The following PPP4R3A variants were observed in gnomAD, a reference collection of about 807,000 sequenced individuals.
The protein encoded by PPP4R3A is serine/threonine-protein phosphatase 4 regulatory subunit 3A.
PPP4R3A carries 15 observed loss-of-function variants against 91.7 expected under a neutral mutation model. The observed-to-expected ratio is 0.16, with a 90% CI of 0.11 to 0.25. The LOEUF (loss-of-function observed/expected upper bound fraction) is 0.25, where lower values mean the gene tolerates loss of function less well. PPP4R3A is among the 10% of genes least tolerant of loss of function. PPP4R3A has a pLI of 1.00. For missense variants in PPP4R3A, 623 were observed against 998.4 expected (o/e 0.62, Z 5.07); for synonymous variants, 377 against 348.7 (o/e 1.08, Z -0.91).
chr14:91,501,742 T>C (rs1890973613), intron 1 of PPP4R3A, among the ~76,000 whole-genome samples: 1 of 150,912 alleles, frequency 6.6e-6, no homozygotes, highest in African/African-American at 2.4e-5. Context: ...TCTCGCTCTG[T>C]CACCCAGGCT....
intron 4 of PPP4R3A, 152 bp downstream of exon 4, chr14:91,481,424 G>T: frequency 2.5e-6 from 2 of 806,928 alleles, no homozygotes; most frequent in South Asian, 2.4e-5. Context: ...TTCTGGTCTC[G>T]TATTATTATT....
At chr14:91,486,365 A>T (rs985743461) in intron 2 of PPP4R3A, among the ~76,000 whole-genome samples, 2 of 151,540 alleles carry the variant, frequency 1.3e-5, no homozygotes, top group African/African-American at 4.9e-5. Flanking sequence ...GTAGAGATGG[A>T]GGTCTTGTCA....
intron 10 of PPP4R3A, among the ~76,000 whole-genome samples, chr14:91,466,675 C>T (rs762162903): frequency 1.2e-4 from 18 of 152,042 alleles, no homozygotes; most frequent in African/African-American, 1.9e-4. Context: ...ACATTTTAAA[C>T]ACTAAGAGGC....
intron 10 of PPP4R3A, among the ~76,000 whole-genome samples, chr14:91,469,625 A>G (rs1254796130): frequency 2.6e-5 from 4 of 152,150 alleles, no homozygotes; most frequent in African/African-American, 9.6e-5. Flanking sequence ...CTGGAGTGCA[A>G]TGGTGCAATT....
upstream of PPP4R3A, chr14:91,510,455 C>G (rs1891737873): frequency 6.6e-6 from 1 of 152,634 alleles, no homozygotes; most frequent in Admixed American, 6.5e-5. Context: ...GGCGGGAGCG[C>G]AGGGAGCGGA....
chr14:91,491,468 C>A (rs1890229183), intron 1 of PPP4R3A, among the ~76,000 whole-genome samples: 1 of 151,864 alleles, frequency 6.6e-6, no homozygotes, highest in Admixed American at 6.6e-5. Flanking sequence ...AGTGCAGTGG[C>A]GCGATCTCGG....
intron 3 of PPP4R3A, among the ~76,000 whole-genome samples, chr14:91,483,647 A>G (rs1314385738): frequency 2.6e-5 from 4 of 152,186 alleles, no homozygotes; most frequent in Admixed American, 2.0e-4. Context: ...AGAAATAGAA[A>G]AACATTTAAT....
chr14:91,494,952 G>A (rs1334762481), intron 1 of PPP4R3A, among the ~76,000 whole-genome samples: 1 of 152,168 alleles, frequency 6.6e-6, no homozygotes, highest in Non-Finnish European at 1.5e-5. Context: ...AACAAGCGGT[G>A]ACAAGGCTGT....
chr14:91,487,612 C>A (rs1889975545), intron 2 of PPP4R3A, among the ~76,000 whole-genome samples: 1 of 152,190 alleles, frequency 6.6e-6, no homozygotes, highest in African/African-American at 2.4e-5. Context: ...GATAATGGTT[C>A]CTGTATTGAG....
chr14:91,509,400 C>A, intron 1 of PPP4R3A, 106 bp downstream of exon 1: 1 of 1,481,278 alleles, frequency 6.8e-7, no homozygotes, highest in South Asian at 1.2e-5. Context: ...CCCTCCCCAG[C>A]CGTCCCTCTG....
Position 91,473,379 on chromosome 14 carries a change from A to G in PPP4R3A, c.1267-9T>C, listed in dbSNP as rs754356721. Reference sequence around the variant, plus strand: ...TTGATGAGCAAAATATCCTGGAGAGAAAAATAGACATACTCAGGATCACTT... The same window carrying G: ...TTGATGAGCAAAATATCCTGGAGAGGAAAATAGACATACTCAGGATCACTT... On this transcript the variant is annotated splice_polypyrimidine_tract_variant and intron_variant, in intron 7 of 14. Coordinates refer to ENST00000554943, the MANE Select transcript of PPP4R3A (RefSeq NM_001366432.2). 3 of 1,604,500 alleles carry G rather than the reference A, an allele frequency of 1.9e-6. No individual in the cohort carries two copies. Among genetic ancestry groups the G allele is most frequent in the Non-Finnish European group, 2.5e-6 (3 of 1,177,128 alleles).
intron 1 of PPP4R3A, among the ~76,000 whole-genome samples, chr14:91,498,133 G>C (rs1406904152): frequency 6.6e-6 from 1 of 152,134 alleles, no homozygotes; most frequent in Non-Finnish European, 1.5e-5. Flanking sequence ...TCAGGAATTC[G>C]AGATCAGCCT....
At chr14:91,461,242 G>GT in intron 14 of PPP4R3A, 139 bp downstream of exon 14, 1 of 736,812 alleles carries the variant, frequency 1.4e-6, no homozygotes, top group Non-Finnish European at 2.2e-6. Flanking sequence ...AGTTCAAGCG[G>GT]TGGGGGGGAC....
intron 1 of PPP4R3A, among the ~76,000 whole-genome samples, chr14:91,506,936 A>G (rs1891328487): frequency 6.6e-6 from 1 of 152,206 alleles, no homozygotes; most frequent in South Asian, 2.1e-4. Flanking sequence ...CCTGCTAGAT[A>G]AAAATTAAAG....
intron 4 of PPP4R3A, among the ~76,000 whole-genome samples, chr14:91,480,879 A>G (rs957290686): frequency 6.6e-6 from 1 of 152,072 alleles, no homozygotes; most frequent in Non-Finnish European, 1.5e-5. Flanking sequence ...TTACAAAAAA[A>G]TTTTTAAAAG....
chr14:91,487,617 ATTG>A (rs1204753841), intron 2 of PPP4R3A, among the ~76,000 whole-genome samples: 1 of 152,246 alleles, frequency 6.6e-6, no homozygotes, highest in Non-Finnish European at 1.5e-5. Context: ...TGGTTCCTGT[ATTG>A]AGAAGGAAAG....
chr14:91,504,999 C>T (rs1326240241), intron 1 of PPP4R3A, among the ~76,000 whole-genome samples: 2 of 152,190 alleles, frequency 1.3e-5, no homozygotes, highest in Non-Finnish European at 2.9e-5. Flanking sequence ...TATACCCATG[C>T]TAACACTATA....
At chr14:91,501,871 ATTTTTTTTT>A (rs755484959) in intron 1 of PPP4R3A, among the ~76,000 whole-genome samples, 11 of 100,232 alleles carry the variant, frequency 1.1e-4, no homozygotes, top group Admixed American at 6.2e-4. Flanking sequence ...AGCCCGGCTA[ATTTTTTTTT>A]TTTTTTTTTT....
intron 1 of PPP4R3A, 147 bp downstream of exon 1, chr14:91,509,359 A>G (rs1237266460): frequency 1.2e-5 from 14 of 1,123,756 alleles, no homozygotes; most frequent in South Asian, 6.1e-5. Flanking sequence ...AGACTGGGGT[A>G]CCTGGGGCCC....
Sources: gnomAD v4.1 joint callset for allele counts (sites outside exome capture counted in the v4.1 genomes callset) on GRCh38, gnomAD v4.1.1 for gene constraint, MANE v1.5 for transcripts, NCBI Gene and HGNC (gene_info 2026-07-23, HGNC 2026-07-21) for gene names.